The following IFNGR1 variants were observed in gnomAD, a reference collection of about 807,000 sequenced individuals.
IFNGR1 encodes interferon gamma receptor 1.
A neutral mutation model predicts 35.4 loss-of-function variants in IFNGR1; 23 were observed. The observed-to-expected ratio is 0.65, with a 90% CI of 0.47 to 0.92. The LOEUF (loss-of-function observed/expected upper bound fraction) is 0.92. IFNGR1 is among the 40% of genes least tolerant of loss of function. IFNGR1 has a pLI of 0.00. For synonymous variants in IFNGR1, 199 were observed against 209.5 expected (o/e 0.95, Z 0.43); for missense variants, 533 against 583.4 (o/e 0.91, Z 0.89).
Position 137,200,768 on chromosome 6 carries a change from T to C in IFNGR1, c.861+113A>G, listed in dbSNP as rs370861477. 8.0e-6 allele frequency: 7 copies of C among 879,040 alleles called. No homozygotes were observed. The South Asian group carries it at 1.1e-4, about 13-fold the overall frequency. The allele number at this position is 879,040 out of a possible 1,614,324, so 54.5% of individuals were successfully genotyped here. On this transcript the variant is annotated intron_variant, in intron 6 of 6. Coordinates refer to ENST00000367739, the MANE Select transcript of IFNGR1 (RefSeq NM_000416.3). ...CATGTGTGGTAGACTGACTGATTGA[T>C]GGCAGGTGACATCTTGTTGAATATC...
intron 1 of IFNGR1, 72 bp downstream of exon 1, chr6:137,219,171 T>A (rs1471692930): frequency 2.4e-5 from 37 of 1,539,392 alleles, no homozygotes; most frequent in Middle Eastern, 4.5e-4. Flanking sequence ...GGGGCGGGGC[T>A]TCCCGGCTGG....
intron 1 of IFNGR1, among the ~76,000 whole-genome samples, chr6:137,213,923 T>C (rs1779631941): frequency 6.6e-6 from 1 of 152,178 alleles, no homozygotes. Context: ...AAAAAGACTG[T>C]ATAAAAGGTT....
intron 5 of IFNGR1, among the ~76,000 whole-genome samples, chr6:137,201,345 G>C (rs995761967): frequency 3.3e-5 from 5 of 152,154 alleles, no homozygotes; most frequent in African/African-American, 1.2e-4. Flanking sequence ...GGTTAAAAAT[G>C]CAAAAGAATA....
chr6:137,214,830 T>TA (rs1270823950), intron 1 of IFNGR1, among the ~76,000 whole-genome samples: 7 of 152,332 alleles, frequency 4.6e-5, no homozygotes, highest in East Asian at 1.9e-4. Flanking sequence ...TCCAGTCTAC[T>TA]AAAAAACCAA....
Position 137,198,015 on chromosome 6 carries a change from T to C in IFNGR1, c.*16A>G, listed in dbSNP as rs1016915419. 9 of 1,613,726 alleles carry C rather than the reference T, an allele frequency of 5.6e-6. No homozygotes were observed. The highest frequency in any genetic ancestry group is 7.6e-6 in the Non-Finnish European group (9 of 1,179,902). On this transcript the variant is annotated 3_prime_UTR_variant, in exon 7 of 7. Transcript: ENST00000367739. Reference sequence around the variant, plus strand: ...CAGGAAAATCAGACTTCAAAGTTGGTGCAACTTAGCTGATCTCATGAAAAT... The same window carrying C: ...CAGGAAAATCAGACTTCAAAGTTGGCGCAACTTAGCTGATCTCATGAAAAT...
rs559010693 is a variant in IFNGR1, at chr6:137,203,762, C to T, written c.547-77G>A. On this transcript the variant is annotated intron_variant, in intron 4 of 6. Transcript: ENST00000367739. ...AAAAAAAAAAATCACCATATTAGTCCTGGTCAAACAACTGAAGAAATATAT... is the reference window on the plus strand; with the variant it reads ...AAAAAAAAAAATCACCATATTAGTCTTGGTCAAACAACTGAAGAAATATAT... 55 of 1,167,986 alleles carry T rather than the reference C, an allele frequency of 4.7e-5. No homozygotes were observed. The African/African-American group carries it at 7.9e-4, about 17-fold the overall frequency. 72.4% of individuals were successfully genotyped at this position (1,167,986 alleles called of 1,614,324 possible).
rs775472233 is a variant in IFNGR1, at chr6:137,198,635, G to C, written c.866C>G (p.Ser289Cys). 2 of 1,609,468 alleles carry C rather than the reference G, an allele frequency of 1.2e-6. No homozygotes were observed. Among genetic ancestry groups the C allele is most frequent in the South Asian group, 2.2e-5 (2 of 90,996 alleles). The change falls in exon 7 of 7, where the codon TCT (serine) becomes TGT (cysteine). Residue 289 changes from serine (S) to cysteine (C), a missense_variant. Physicochemically the swap from Ser to Cys is moderately radical, Grantham distance 112. Transcript: ENST00000367739. Reference sequence around the variant, plus strand: ...CTCTAAAGTAGCACTTCTTACCACAGAGATCTATGGGGAGAAAAATTGATT... The same window carrying C: ...CTCTAAAGTAGCACTTCTTACCACACAGATCTATGGGGAGAAAAATTGATT... The part of the protein sequence containing the change: ...KSIILPKSLI[S>C]VVRSATLETK...
intron 1 of IFNGR1, among the ~76,000 whole-genome samples, chr6:137,214,720 A>G (rs1779651226): frequency 6.6e-6 from 1 of 152,210 alleles, no homozygotes; most frequent in Admixed American, 6.5e-5. Context: ...AGACCAATCT[A>G]GTCCCTGAGA....
chr6:137,216,109 A>T (rs1273831859), intron 1 of IFNGR1, among the ~76,000 whole-genome samples: 1 of 152,246 alleles, frequency 6.6e-6, no homozygotes, highest in African/African-American at 2.4e-5. Flanking sequence ...CAATAAATAT[A>T]ATTAAAAAGT....
intron 6 of IFNGR1, among the ~76,000 whole-genome samples, chr6:137,200,366 G>C (rs1471335291): frequency 6.6e-6 from 1 of 152,026 alleles, no homozygotes; most frequent in Non-Finnish European, 1.5e-5. Context: ...CTCATTTTTG[G>C]CCAACTTTCC....
At position 137,207,153 on chromosome 6, in the gene IFNGR1, G is replaced by A. The variant is rs121913174; in HGVS notation, c.86-76C>T. On this transcript the variant is annotated intron_variant, in intron 1 of 6. Transcript: ENST00000367739. ...ATATTGGAAAGCCTTATTGTAAGATGCCACATTGCCCAGATATGTATATTT... is the reference window on the plus strand; with the variant it reads ...ATATTGGAAAGCCTTATTGTAAGATACCACATTGCCCAGATATGTATATTT... The A allele has an allele frequency of 5.8e-4, 917 of 1,568,936 alleles. 6 individuals are homozygous for A. In the African/African-American group the frequency reaches 0.01, roughly 18 times the overall value.
chr6:137,210,010 G>A (rs1425452521), intron 1 of IFNGR1: 2 of 396,836 alleles, frequency 5.0e-6, no homozygotes, highest in Non-Finnish European at 8.9e-6. Context: ...AGAACAGACA[G>A]AAGTCATTTT....
chr6:137,213,246 C>A (rs1235201490), intron 1 of IFNGR1, among the ~76,000 whole-genome samples: 2 of 152,240 alleles, frequency 1.3e-5, no homozygotes, highest in Non-Finnish European at 1.5e-5. Context: ...AAGAAAAGAT[C>A]TTACCAGAGT....
intron 1 of IFNGR1, chr6:137,215,377 A>G (rs990173079): frequency 2.6e-6 from 4 of 1,513,644 alleles, no homozygotes; most frequent in Non-Finnish European, 3.6e-6. Flanking sequence ...TATTATGGCC[A>G]CTGCAAAAGT....
chr6:137,210,282 C>A (rs1189880453), intron 1 of IFNGR1, among the ~76,000 whole-genome samples: 1 of 151,852 alleles, frequency 6.6e-6, no homozygotes, highest in Non-Finnish European at 1.5e-5. Context: ...TGTGACTGTG[C>A]CACTGCATTC....
rs1779153976 is a variant in IFNGR1, at chr6:137,198,468, G to A, written c.1033C>T (p.His345Tyr). 6.2e-7 allele frequency: 1 copy of A among 1,614,002 alleles called. No homozygotes were observed. ...GTTATACTAGAAAGTTCTTCTGTAT[G>A]TTCCACTTTTCCTGGATTGTCTTCG... ...HTEDNPGKVE[H>Y]TEELSSITEV... Residue 345 changes from histidine (H) to tyrosine (Y), a missense_variant, in exon 7 of 7, where the codon CAT (histidine) becomes TAT (tyrosine). His to Tyr is a moderately conservative substitution (Grantham distance 83). Coordinates refer to ENST00000367739, the MANE Select transcript of IFNGR1 (RefSeq NM_000416.3).
At position 137,206,311 on chromosome 6, in the gene IFNGR1, A is replaced by C; in HGVS notation, c.201-3T>G. On this transcript the variant is annotated splice_polypyrimidine_tract_variant and splice_region_variant and intron_variant, in intron 2 of 6. Transcript: ENST00000367739. ...CAATCCATTCTGAATTCTTAACACT[A>C]AAAAGAATAAAAAAATGCGAAGATA... 6.3e-7 allele frequency: 1 copy of C among 1,579,980 alleles called. No individual in the cohort carries two copies. The highest frequency in any genetic ancestry group is 8.7e-7 in the Non-Finnish European group (1 of 1,149,588).
chr6:137,206,327 T>A lies in IFNGR1; in HGVS notation c.201-19A>T, dbSNP rs987451673. The A allele has an allele frequency of 6.4e-7, 1 of 1,568,662 alleles. No homozygotes were observed. The highest frequency in any genetic ancestry group is 1.7e-4 in the Middle Eastern group (1 of 5,980). ...CTTAACACTAAAAAGAATAAAAAAA[T>A]GCGAAGATAACTTTTATTGTTATTA... On this transcript the variant is annotated intron_variant, in intron 2 of 6. Transcript: ENST00000367739.
At position 137,197,875 on chromosome 6, in the gene IFNGR1, C is replaced by A; in HGVS notation, c.*156G>T. 1 of 935,604 alleles carries A rather than the reference C, an allele frequency of 1.1e-6. No homozygotes were observed. The highest frequency in any genetic ancestry group is 1.7e-5 in the African/African-American group (1 of 60,242). The allele number at this position is 935,604 out of a possible 1,614,324, so 58.0% of individuals were successfully genotyped here. A position where few individuals can be genotyped will look rare whatever the true frequency, so the allele number is the denominator to read the frequency against. On this transcript the variant is annotated 3_prime_UTR_variant, in exon 7 of 7. Coordinates refer to ENST00000367739, the MANE Select transcript of IFNGR1 (RefSeq NM_000416.3). ...ACTTTACAAGCCAAAAGTGAAAATG[C>A]CACACATCCTCTTTACGCTTTCATG...
Sources: gnomAD v4.1 joint callset for allele counts (sites outside exome capture counted in the v4.1 genomes callset) on GRCh38, gnomAD v4.1.1 for gene constraint, MANE v1.5 for transcripts, NCBI Gene and HGNC (gene_info 2026-07-23, HGNC 2026-07-21) for gene names.